Variants in ASTN1 observed in about 807,000 individuals in gnomAD.
ASTN1 encodes astrotactin 1.
ASTN1 carries 41 observed loss-of-function variants against 140.7 expected under a neutral mutation model. The observed-to-expected ratio is 0.29, with a 90% CI of 0.23 to 0.38. The LOEUF (loss-of-function observed/expected upper bound fraction) is 0.38, where lower values mean the gene tolerates loss of function less well. ASTN1 is among the 10% of genes least tolerant of loss of function. ASTN1 has a pLI of 1.00. For missense variants in ASTN1, 1,479 were observed against 1,678.8 expected (o/e 0.88, Z 2.08); for synonymous variants, 640 against 652.2 (o/e 0.98, Z 0.29).
At chr1:176,910,271 A>G (rs547644337) in intron 16 of ASTN1, among the ~76,000 whole-genome samples, 18 of 152,276 alleles carry the variant, frequency 1.2e-4, no homozygotes, top group African/African-American at 4.3e-4. Context: ...CAAGCTTGTT[A>G]CTATTATTTC....
intron 6 of ASTN1, among the ~76,000 whole-genome samples, chr1:177,024,149 T>G (rs1336039032): frequency 6.6e-6 from 1 of 152,214 alleles, no homozygotes; most frequent in Non-Finnish European, 1.5e-5. Flanking sequence ...ACTTCTGAGT[T>G]CTAGGCTTAC....
chr1:177,016,127 A>C (rs1318878311), intron 7 of ASTN1, among the ~76,000 whole-genome samples: 1 of 152,128 alleles, frequency 6.6e-6, no homozygotes, highest in African/African-American at 2.4e-5. Context: ...CCTCACAGTT[A>C]AGGGGGAAGG....
intron 1 of ASTN1, among the ~76,000 whole-genome samples, chr1:177,061,908 TGAA>T (rs1411928480): frequency 8.5e-5 from 13 of 152,214 alleles, no homozygotes; most frequent in Non-Finnish European, 4.4e-5. Context: ...TTGGTATACA[TGAA>T]GAAGACAGTG....
At chr1:177,161,724 A>G (rs1474874074) in intron 1 of ASTN1, among the ~76,000 whole-genome samples, 1 of 152,152 alleles carries the variant, frequency 6.6e-6, no homozygotes, top group Non-Finnish European at 1.5e-5. Flanking sequence ...AGGCAAAAGG[A>G]AGCCAAAGCT....
chr1:176,935,931 GC>G, intron 15 of ASTN1: 2 of 374,174 alleles, frequency 5.3e-6, no homozygotes, highest in South Asian at 4.4e-5. Context: ...CATTTGGAAT[GC>G]TTAATTCTCT....
At position 176,862,368 on chromosome 1, in the gene ASTN1, C is replaced by T; in HGVS notation, c.*1916G>A. 1 of 985,478 alleles carries T rather than the reference C, an allele frequency of 1.0e-6. No homozygotes were observed. The highest frequency in any genetic ancestry group is 1.2e-6 in the Non-Finnish European group (1 of 829,986). The allele number at this position is 985,478 out of a possible 1,614,324, so 61.0% of individuals were successfully genotyped here. On this transcript the variant is annotated 3_prime_UTR_variant, in exon 23 of 23. Transcript: ENST00000361833. The stretch of plus-strand genomic sequence containing the variant: ...CCAGTCATGAGGGTGGGGAGGAGGG[C>T]CATGTGCAGTGGAACTAGGGGTCCC...
At chr1:177,136,932 C>CT (rs1427721492) in intron 1 of ASTN1, among the ~76,000 whole-genome samples, 4 of 152,096 alleles carry the variant, frequency 2.6e-5, no homozygotes, top group African/African-American at 7.2e-5. Flanking sequence ...CATTTTGAAC[C>CT]TGATAATCCT....
At chr1:177,107,105 G>A (rs375456226) in intron 1 of ASTN1, among the ~76,000 whole-genome samples, 59 of 152,164 alleles carry the variant, frequency 3.9e-4, no homozygotes, top group East Asian at 3.3e-3. Flanking sequence ...CTTGAAATTC[G>A]GTCCATGGAC....
chr1:176,978,906 C>T (rs937677552), intron 8 of ASTN1, among the ~76,000 whole-genome samples: 38 of 152,022 alleles, frequency 2.5e-4, no homozygotes, highest in African/African-American at 8.7e-4. Context: ...AAAAATCATA[C>T]CTAAGAGAAA....
In ASTN1 at chr1:176,894,722, G is replaced by C; in HGVS notation, c.2780C>G (p.Ala927Gly). ...GCTGTGGCACTCCATGCGGACTCCA[G>C]CCGCCATGTGCTTGGTGCCGGAGTC... ...LSDSGTKHMA[A>G]GVRMECHSKG... Residue 927 changes from alanine to glycine, a missense_variant, in exon 17 of 23, where the codon GCT (alanine) becomes GGT (glycine). By Grantham distance (60) the Ala-to-Gly change is moderately conservative. This residue lies in a region of ASTN1 where 746 missense variants were observed against 800.9 expected (regional missense o/e 0.93). Transcript: ENST00000361833. The C allele has an allele frequency of 1.2e-6, 2 of 1,614,176 alleles. No homozygotes were observed. Among genetic ancestry groups the C allele is most frequent in the South Asian group, 2.2e-5 (2 of 91,088 alleles).
chr1:177,079,526 C>A (rs551700015), intron 1 of ASTN1, among the ~76,000 whole-genome samples: 1 of 152,170 alleles, frequency 6.6e-6, no homozygotes, highest in East Asian at 1.9e-4. Context: ...GAAGAAGTAC[C>A]ACAATTTCAA....
At chr1:176,883,771 T>C (rs78081050) in intron 19 of ASTN1, among the ~76,000 whole-genome samples, 7 of 152,334 alleles carry the variant, frequency 4.6e-5, no homozygotes, top group Non-Finnish European at 8.8e-5. Flanking sequence ...TGTTGACCTT[T>C]CACTGTGTGC....
intron 11 of ASTN1, among the ~76,000 whole-genome samples, chr1:176,951,247 T>G (rs1449372323): frequency 6.6e-6 from 1 of 152,178 alleles, no homozygotes; most frequent in Non-Finnish European, 1.5e-5. Flanking sequence ...CAGCTGAGGA[T>G]TGCCCCCCAT....
intron 14 of ASTN1, among the ~76,000 whole-genome samples, chr1:176,937,466 C>T (rs1046761772): frequency 6.6e-6 from 1 of 152,230 alleles, no homozygotes; most frequent in Non-Finnish European, 1.5e-5. Context: ...AAACTTACAG[C>T]CTCTTAGTGA....
chr1:176,875,353 C>T (rs918135509), intron 21 of ASTN1, among the ~76,000 whole-genome samples: 3 of 152,134 alleles, frequency 2.0e-5, no homozygotes, highest in Non-Finnish European at 4.4e-5. Context: ...CATTTAGGTC[C>T]TAATTTACCT....
At chr1:176,877,596 A>T (rs1184507165) in intron 20 of ASTN1, among the ~76,000 whole-genome samples, 1 of 152,240 alleles carries the variant, frequency 6.6e-6, no homozygotes, top group African/African-American at 2.4e-5. Context: ...GATGGAGAGG[A>T]AGAAGAGGAA....
chr1:176,934,331 T>C lies in ASTN1; in HGVS notation c.2492A>G (p.Asn831Ser), dbSNP rs145418756. 148 of 1,611,336 alleles carry C rather than the reference T, an allele frequency of 9.2e-5. No individual in the cohort carries two copies. The highest frequency in any genetic ancestry group is 1.2e-4 in the Non-Finnish European group (141 of 1,177,896). The stretch of plus-strand genomic sequence containing the variant: ...AGCCCCATCCAGCGAGTGGAGAGCA[T>C]TGCTGAGGGCTATGGAGAGGCATCA... Reference protein sequence around the residue: ...NQVAISQALSNALHSLDGATS... With the variant: ...NQVAISQALSSALHSLDGATS... The change falls in exon 16 of 23, where the codon AAT becomes AGT. Residue 831 changes from asparagine (N) to serine (S), a missense_variant. Transcript: ENST00000361833.
At chr1:176,956,324 A>G (rs964499928) in intron 11 of ASTN1, among the ~76,000 whole-genome samples, 1 of 151,858 alleles carries the variant, frequency 6.6e-6, no homozygotes, top group Non-Finnish European at 1.5e-5. Flanking sequence ...CTGCTGCCTC[A>G]TAGGTAAAAG....
At chr1:176,887,288 G>C (rs1236044669) in intron 18 of ASTN1, among the ~76,000 whole-genome samples, 1 of 152,160 alleles carries the variant, frequency 6.6e-6, no homozygotes, top group Non-Finnish European at 1.5e-5. Context: ...CCCCATGACA[G>C]CTCCAAGGCA....
Sources: gnomAD v4.1 joint callset for allele counts (sites outside exome capture counted in the v4.1 genomes callset) on GRCh38, gnomAD v4.1.1 for gene constraint, gnomAD v4.1.1 regional missense constraint, MANE v1.5 for transcripts, NCBI Gene and HGNC (gene_info 2026-07-23, HGNC 2026-07-21) for gene names.